Variants in RNF152 observed in about 807,000 individuals in gnomAD.
RNF152 encodes ring finger protein 152.
In RNF152, 11 loss-of-function variants were observed where a neutral mutation model predicts 12.7. That is an observed-to-expected ratio of 0.86 (90% CI 0.54 to 1.43). The LOEUF (loss-of-function observed/expected upper bound fraction) is 1.43, where lower values mean the gene tolerates loss of function less well. Among genes scored for constraint, RNF152 ranks in the 40% most tolerant of loss-of-function variants. The probability of loss-of-function intolerance (pLI) is 0.00; values close to 1 mark genes in which losing one functional copy is unlikely to be tolerated. For synonymous variants in RNF152, 113 were observed against 120.3 expected (o/e 0.94, Z 0.40); for missense variants, 255 against 274.8 (o/e 0.93, Z 0.51).
chr18:61,861,867 T>C (rs768584052), intron 1 of RNF152, among the ~76,000 whole-genome samples: 97 of 152,152 alleles, frequency 6.4e-4, no homozygotes, highest in Non-Finnish European at 1.6e-4. Context: ...AGAACATTCA[T>C]CTACTCAAGT....
At chr18:61,877,145 C>T (rs1362846959) in intron 1 of RNF152, among the ~76,000 whole-genome samples, 1 of 152,224 alleles carries the variant, frequency 6.6e-6, no homozygotes, top group African/African-American at 2.4e-5. Flanking sequence ...TTGTCTCCCA[C>T]AAACAACTCG....
chr18:61,864,197 C>T (rs1568285577), intron 1 of RNF152, among the ~76,000 whole-genome samples: 1 of 152,156 alleles, frequency 6.6e-6, no homozygotes, highest in Admixed American at 6.5e-5. Context: ...AGGGGCTCAG[C>T]CCCACAAGTC....
At chr18:61,846,182 A>C (rs1910736916) in intron 1 of RNF152, among the ~76,000 whole-genome samples, 1 of 152,174 alleles carries the variant, frequency 6.6e-6, no homozygotes, top group South Asian at 2.1e-4. Context: ...GAAAGGACAA[A>C]GATACACACT....
chr18:61,824,176 C>T (rs1354712792), intron 1 of RNF152, among the ~76,000 whole-genome samples: 2 of 152,168 alleles, frequency 1.3e-5, no homozygotes, highest in East Asian at 1.9e-4. Context: ...TGTATATCTG[C>T]CAATCATTAC....
chr18:61,865,608 C>A (rs1441529390), intron 1 of RNF152, among the ~76,000 whole-genome samples: 1 of 152,068 alleles, frequency 6.6e-6, no homozygotes, highest in Non-Finnish European at 1.5e-5. Context: ...CTAGATAATC[C>A]CCTGCTAGCA....
At chr18:61,821,148 T>C (rs1909386547) in intron 1 of RNF152, among the ~76,000 whole-genome samples, 1 of 152,250 alleles carries the variant, frequency 6.6e-6, no homozygotes, top group Non-Finnish European at 1.5e-5. Context: ...GTGTTCTTCC[T>C]GGCCCTGCCC....
At chr18:61,882,781 C>A (rs1243179270) in intron 1 of RNF152, among the ~76,000 whole-genome samples, 1 of 152,106 alleles carries the variant, frequency 6.6e-6, no homozygotes, top group Admixed American at 6.5e-5. Flanking sequence ...CTTCCCAACC[C>A]CCACTTGGTA....
At chr18:61,837,546 A>G (rs1478623231) in intron 1 of RNF152, among the ~76,000 whole-genome samples, 1 of 152,110 alleles carries the variant, frequency 6.6e-6, no homozygotes, top group Non-Finnish European at 1.5e-5. Flanking sequence ...ATTTCTGTGT[A>G]TTTTACATTT....
chr18:61,858,891 G>A (rs113699610), intron 1 of RNF152, among the ~76,000 whole-genome samples: 7 of 152,296 alleles, frequency 4.6e-5, no homozygotes, highest in South Asian at 2.1e-4. Context: ...TGGTCAGCAA[G>A]CCTGAGACAA....
chr18:61,839,260 G>C (rs947477961), intron 1 of RNF152, among the ~76,000 whole-genome samples: 4 of 152,134 alleles, frequency 2.6e-5, no homozygotes, highest in South Asian at 2.1e-4. Flanking sequence ...AATGCAAAAG[G>C]ATAGACCCTA....
In RNF152 at chr18:61,816,914, G is replaced by A. The variant is rs539470762; in HGVS notation, c.-135-316C>T. On this transcript the variant is annotated intron_variant, in intron 1 of 1. Transcript: ENST00000312828. Reference sequence around the variant, plus strand: ...GTTTTGTACATTTAAGCAAGCTCTGGGTCATCCTTCTAAAATATACTAGAG... The same window carrying A: ...GTTTTGTACATTTAAGCAAGCTCTGAGTCATCCTTCTAAAATATACTAGAG... Among the ~76,000 whole-genome samples, 3 of 152,154 alleles carry A rather than the reference G, an allele frequency of 2.0e-5. No individual in the cohort carries two copies. In the East Asian group the frequency reaches 5.8e-4, roughly 29 times the overall value.
chr18:61,890,803 G>C (rs998100268), intron 1 of RNF152, among the ~76,000 whole-genome samples: 2 of 152,216 alleles, frequency 1.3e-5, no homozygotes, highest in African/African-American at 4.8e-5. Context: ...AATGAAAACA[G>C]AATGACCCTC....
intron 1 of RNF152, among the ~76,000 whole-genome samples, chr18:61,845,960 G>A (rs1367676646): frequency 1.3e-5 from 2 of 152,100 alleles, no homozygotes; most frequent in Non-Finnish European, 2.9e-5. Flanking sequence ...TCCTGAGTGG[G>A]GTTAGTGCCC....
chr18:61,892,783 G>C lies in RNF152; in HGVS notation c.-136+12C>G, dbSNP rs895510967. ...GAGACACCCAGGCGCTACCCAGATC[G>C]TGGGGGGTTACCTGTATCTGTCACC... On this transcript the variant is annotated intron_variant, in intron 1 of 1. Coordinates refer to ENST00000312828, the MANE Select transcript of RNF152 (RefSeq NM_173557.3). 6.6e-6 allele frequency: 1 copy of C among 152,160 alleles called. No homozygotes were observed. The highest frequency in any genetic ancestry group is 6.5e-5 in the Admixed American group (1 of 15,284). 9.4% of individuals were successfully genotyped at this position (152,160 alleles called of 1,614,324 possible).
chr18:61,883,831 C>G (rs1912571088), intron 1 of RNF152, among the ~76,000 whole-genome samples: 1 of 152,202 alleles, frequency 6.6e-6, no homozygotes, highest in Admixed American at 6.5e-5. Flanking sequence ...CTCCTCTCCT[C>G]CAGTTGCTTC....
chr18:61,848,194 T>C (rs1210976776), intron 1 of RNF152, among the ~76,000 whole-genome samples: 1 of 152,118 alleles, frequency 6.6e-6, no homozygotes, highest in East Asian at 1.9e-4. Flanking sequence ...ACTAAAACCC[T>C]ATGAGGTAGC....
At chr18:61,854,980 G>A (rs1911155546) in intron 1 of RNF152, among the ~76,000 whole-genome samples, 1 of 152,190 alleles carries the variant, frequency 6.6e-6, no homozygotes, top group African/African-American at 2.4e-5. Context: ...ACCAGCAATA[G>A]GGCTTTTAAA....
intron 1 of RNF152, among the ~76,000 whole-genome samples, chr18:61,847,859 T>C (rs1343557450): frequency 2.6e-5 from 4 of 152,188 alleles, no homozygotes; most frequent in South Asian, 4.2e-4. Context: ...TGCTGATGTA[T>C]TTTTCCTTTT....
chr18:61,845,389 C>A (rs889452950), intron 1 of RNF152, among the ~76,000 whole-genome samples: 1 of 152,232 alleles, frequency 6.6e-6, no homozygotes, highest in Non-Finnish European at 1.5e-5. Context: ...CAAGCCCACA[C>A]ATCAGCCCCA....
Sources: gnomAD v4.1 joint callset for allele counts (sites outside exome capture counted in the v4.1 genomes callset) on GRCh38, gnomAD v4.1.1 for gene constraint, MANE v1.5 for transcripts, NCBI Gene and HGNC (gene_info 2026-07-23, HGNC 2026-07-21) for gene names.